Variants in FUS observed in about 807,000 individuals in gnomAD.
FUS encodes RNA-binding protein FUS.
In FUS, 5 loss-of-function variants were observed where a neutral mutation model predicts 82.7. The ratio of observed to expected loss-of-function variants is 0.06; its 90% confidence interval spans 0.03 to 0.13. The LOEUF (loss-of-function observed/expected upper bound fraction) is 0.13. Ranked by LOEUF, FUS falls within the 10% of genes least tolerant of loss-of-function variation. The pLI is 1.00. For missense variants in FUS, 512 were observed against 707.8 expected, an observed-to-expected ratio of 0.72 and a Z score of 3.14; for synonymous variants, 281 against 247.4, an observed-to-expected ratio of 1.14 and a Z score of -1.27.
intron 6 of FUS, chr16:31,186,243 G>A (rs935143066): frequency 4.0e-6 from 1 of 252,924 alleles, no homozygotes; most frequent in Middle Eastern, 1.2e-3. Flanking sequence ...GGGTGACCCC[G>A]GGGGTTGGGG....
At chr16:31,182,150 C>T (rs901823514) in intron 1 of FUS, 78 of 501,704 alleles carry the variant, frequency 1.6e-4, no homozygotes, top group Non-Finnish European at 3.3e-5. Context: ...CCACCATGCC[C>T]GGCTAATTTT....
Position 31,180,701 on chromosome 16 carries a change from G to A in FUS, c.13+474G>A, listed in dbSNP as rs186671977. 6.5e-3 allele frequency among the ~76,000 whole-genome samples: 990 copies of A among 152,272 alleles called. 11 individuals are homozygous for A. Among genetic ancestry groups the A allele is most frequent in the Non-Finnish European group, 7.8e-3 (532 of 68,024 alleles). On this transcript the variant is annotated intron_variant, in intron 1 of 14. Coordinates refer to ENST00000254108, the MANE Select transcript of FUS (RefSeq NM_004960.4). ...AGCTTTCTGTCGCGAGACCCTTCGC[G>A]GAAGACTCGGCGGCGCGCGTCCGGT... is the stretch of plus-strand genomic sequence containing the variant.
At chr16:31,194,137 C>G (rs182444257), downstream of FUS, 12 of 532,080 alleles carry the variant, frequency 2.3e-5, no homozygotes, top group African/African-American at 1.9e-4. Flanking sequence ...CATCTTGTGC[C>G]GGGCCTTCCT....
intron 1 of FUS, 96 bp from the exon 2 acceptor site, chr16:31,182,302 T>A: frequency 6.8e-7 from 1 of 1,468,744 alleles, no homozygotes; most frequent in Non-Finnish European, 9.5e-7. Flanking sequence ...ACGTGGTCCT[T>A]TTTATTCATC....
At chr16:31,184,148 G>A (rs1471423323) in intron 4 of FUS, 61 bp from the exon 5 acceptor site, 10 of 1,613,886 alleles carry the variant, frequency 6.2e-6, no homozygotes, top group Non-Finnish European at 8.5e-6. Context: ...TCCACTAAAA[G>A]TGAAAGGAAA....
chr16:31,191,656 C>T (rs748525151), downstream of FUS: 2 of 703,060 alleles, frequency 2.8e-6, no homozygotes, highest in Non-Finnish European at 5.2e-6. Context: ...ATGTCCCGAT[C>T]AGGAAGGTAG....
At chr16:31,193,807 T>G (rs1372215395), downstream of FUS, 1 of 513,922 alleles carries the variant, frequency 1.9e-6, no homozygotes, top group South Asian at 1.6e-5. Context: ...TGGGTAATTT[T>G]TTTTTTAATT....
At chr16:31,192,327 C>T, downstream of FUS, 1 of 527,092 alleles carries the variant, frequency 1.9e-6, no homozygotes, top group Non-Finnish European at 3.7e-6. Context: ...TGAGTTAAAA[C>T]CTTAGAGCAG....
intron 6 of FUS, chr16:31,185,393 G>A (rs1486305246): frequency 1.6e-6 from 1 of 640,948 alleles, no homozygotes; most frequent in African/African-American, 1.8e-5. Context: ...CCACTGAATA[G>A]AGATTTTGAG....
chr16:31,187,086 G>T, intron 7 of FUS: 1 of 571,136 alleles, frequency 1.8e-6, no homozygotes, highest in Non-Finnish European at 3.1e-6. Flanking sequence ...GGGTCTAGTA[G>T]GCCTTGGACT....
At chr16:31,189,635 A>G (rs2144132369) in intron 9 of FUS, 30 bp from the exon 10 acceptor site, 4 of 1,614,084 alleles carry the variant, frequency 2.5e-6, no homozygotes, top group Non-Finnish European at 3.4e-6. Context: ...AGCCTTTAAA[A>G]TTGATGTTAC....
intron 1 of FUS, 102 bp from the exon 2 acceptor site, chr16:31,182,296 G>C (rs1331644619): frequency 3.6e-6 from 5 of 1,390,804 alleles, no homozygotes; most frequent in East Asian, 4.6e-5. Context: ...TGGCCTACGT[G>C]GTCCTTTTTA....
At chr16:31,191,613 C>T (rs375615976), downstream of FUS, 9 of 757,012 alleles carry the variant, frequency 1.2e-5, no homozygotes, top group Non-Finnish European at 2.1e-5. Context: ...AAATTTTGTT[C>T]CTCTTCCCCC....
chr16:31,185,283 T>A (rs916751107), intron 6 of FUS, 104 bp downstream of exon 6: 3 of 1,345,938 alleles, frequency 2.2e-6, no homozygotes, highest in Non-Finnish European at 1.0e-6. Context: ...ATTCTTGTTG[T>A]CTAGGGATCT....
intron 10 of FUS, 92 bp downstream of exon 10, chr16:31,189,886 T>G (rs1357371517): frequency 6.2e-7 from 1 of 1,603,676 alleles, no homozygotes; most frequent in African/African-American, 1.3e-5. Flanking sequence ...CTTTTGAGTC[T>G]TCCAACACTT....
intron 1 of FUS, 25 bp from the exon 2 acceptor site, chr16:31,182,373 A>C: frequency 6.2e-7 from 1 of 1,613,728 alleles, no homozygotes; most frequent in Non-Finnish European, 8.5e-7. Context: ...GCTGAAGATA[A>C]TGTGATTGTA....
chr16:31,182,597 T>C lies in FUS; in HGVS notation c.123T>C (p.Tyr41=), dbSNP rs1379647437. 6.2e-7 allele frequency: 1 copy of C among 1,614,230 alleles called. No individual in the cohort carries two copies. Among genetic ancestry groups the C allele is most frequent in the Non-Finnish European group, 8.5e-7 (1 of 1,180,030 alleles). The part of the protein sequence containing the change: ...QPYGQQSYSG[Y]SQSTDTSGYG... ...ACGGACAGCAGAGTTACAGTGGTTA[T>C]AGCCAGTCCACGGACACTTCAGGCT... Residue 41 remains tyrosine (Y), a synonymous_variant, in exon 3 of 15, where the codon TAT becomes TAC. Transcript: ENST00000254108.
chr16:31,182,928 C>G (rs562877850), intron 3 of FUS: 1 of 452,406 alleles, frequency 2.2e-6, no homozygotes, highest in African/African-American at 2.0e-5. Context: ...GTTGGACAGG[C>G]TGGTCTGGAA....
chr16:31,180,248 A>T, intron 1 of FUS, 21 bp downstream of exon 1: 1 of 1,606,532 alleles, frequency 6.2e-7, no homozygotes, highest in Non-Finnish European at 8.5e-7. Flanking sequence ...GCGCGAGGCG[A>T]CGGCGGCGGC....
Sources: allele counts gnomAD v4.1 joint callset (sites outside exome capture counted in the v4.1 genomes callset), GRCh38; gene constraint gnomAD v4.1.1; transcripts MANE v1.5; gene names NCBI Gene and HGNC (gene_info 2026-07-23, HGNC 2026-07-21).